Variants in STAB2 observed in about 807,000 individuals in gnomAD.
STAB2 encodes the protein stabilin 2.
STAB2 carries 288 observed loss-of-function variants against 338.1 expected under a neutral mutation model. That is an observed-to-expected ratio of 0.85 (90% CI 0.77 to 0.94). STAB2 has a LOEUF of 0.94. STAB2 is among the 40% of genes least tolerant of loss of function. The probability of loss-of-function intolerance (pLI) is 0.00; values close to 1 mark genes in which losing one functional copy is unlikely to be tolerated. For missense variants in STAB2, 3,141 were observed against 3,210.1 expected, an observed-to-expected ratio of 0.98 and a Z score of 0.52; for synonymous variants, 1,202 against 1,193.3, an observed-to-expected ratio of 1.01 and a Z score of -0.15.
intron 3 of STAB2, among the ~76,000 whole-genome samples, chr12:103,610,135 G>T (rs2138594048): frequency 6.6e-6 from 1 of 151,780 alleles, no homozygotes; most frequent in East Asian, 1.9e-4. Context: ...CAGGGATATT[G>T]GTCTAAAATT....
intron 65 of STAB2, among the ~76,000 whole-genome samples, chr12:103,760,874 G>A (rs1884484294): frequency 6.6e-6 from 1 of 152,226 alleles, no homozygotes; most frequent in Admixed American, 6.5e-5. Context: ...AGGGGAGAAG[G>A]CACAGGGCCT....
rs1879866319 is a variant in STAB2 at position 103,711,588 on chromosome 12, C to T, written c.4334+72C>T. ...TTCCCAATATTGTCTACCCTAGTCTCTATCCTCAGGGGATTTGTTTCCTGA... is the reference window on the plus strand; with the variant it reads ...TTCCCAATATTGTCTACCCTAGTCTTTATCCTCAGGGGATTTGTTTCCTGA... On this transcript the variant is annotated intron_variant, in intron 40 of 68. Transcript: ENST00000388887. 5.2e-6 allele frequency: 8 copies of T among 1,541,562 alleles called. No individual in the cohort carries two copies. The Admixed American group carries it at 1.1e-4, about 21-fold the overall frequency.
intron 65 of STAB2, among the ~76,000 whole-genome samples, chr12:103,760,642 G>A (rs890102345): frequency 1.3e-5 from 2 of 152,166 alleles, no homozygotes; most frequent in Non-Finnish European, 2.9e-5. Flanking sequence ...AGATGACCGT[G>A]GGGGTAGCGG....
intron 51 of STAB2, among the ~76,000 whole-genome samples, chr12:103,734,430 C>T (rs1269886170): frequency 6.6e-6 from 1 of 150,472 alleles, no homozygotes; most frequent in African/African-American, 2.5e-5. Context: ...TGGGAGCATG[C>T]AGTCTTATAG....
intron 3 of STAB2, among the ~76,000 whole-genome samples, chr12:103,616,259 T>A (rs769387855): frequency 1.2e-4 from 18 of 152,152 alleles, no homozygotes; most frequent in Admixed American, 2.6e-4. Flanking sequence ...CTCTGCCCCA[T>A]GTTCTGCCAC....
At chr12:103,743,562 C>CT (rs770713762) in intron 56 of STAB2, among the ~76,000 whole-genome samples, 5 of 152,142 alleles carry the variant, frequency 3.3e-5, no homozygotes, top group Non-Finnish European at 5.9e-5. Context: ...GTATGAAGAG[C>CT]AGGCCAATCA....
intron 6 of STAB2, among the ~76,000 whole-genome samples, chr12:103,634,474 GAGA>G (rs1957512693): frequency 6.6e-6 from 1 of 152,228 alleles, no homozygotes; most frequent in Non-Finnish European, 1.5e-5. Flanking sequence ...TTTAAAGTTT[GAGA>G]AGTTGTGCAG....
Position 103,708,380 on chromosome 12 carries a change from A to G in STAB2, c.4193-61A>G, listed in dbSNP as rs138891025. 3.4e-5 allele frequency: 53 copies of G among 1,538,340 alleles called. 1 individual carries two copies. In the Middle Eastern group the frequency reaches 8.5e-4, roughly 25 times the overall value. ...TGCAATAAAGCAAACCTAGTAAATG[A>G]CAAATGAGTTATTGAACATGGGTTA... On this transcript the variant is annotated intron_variant, in intron 38 of 68. Coordinates refer to ENST00000388887, the MANE Select transcript of STAB2 (RefSeq NM_017564.10).
At chr12:103,699,738 T>C (rs1452924930) in intron 34 of STAB2, among the ~76,000 whole-genome samples, 6 of 152,194 alleles carry the variant, frequency 3.9e-5, no homozygotes, top group Non-Finnish European at 8.8e-5. Context: ...GTTGTCTGTG[T>C]TTCACCATAA....
At chr12:103,751,239 G>T (rs556630064) in intron 60 of STAB2, among the ~76,000 whole-genome samples, 1 of 152,152 alleles carries the variant, frequency 6.6e-6, no homozygotes, top group African/African-American at 2.4e-5. Flanking sequence ...CTTGAATTGG[G>T]CTAGAGGAGC....
At chr12:103,607,510 A>G (rs1957049413) in intron 3 of STAB2, among the ~76,000 whole-genome samples, 1 of 150,838 alleles carries the variant, frequency 6.6e-6, no homozygotes, top group Non-Finnish European at 1.5e-5. Flanking sequence ...TACATTAGGT[A>G]TATCTCCTAA....
chr12:103,643,403 C>G (rs1873064295), intron 9 of STAB2, among the ~76,000 whole-genome samples: 2 of 152,144 alleles, frequency 1.3e-5, no homozygotes, highest in South Asian at 4.1e-4. Flanking sequence ...ACTTAGGATG[C>G]CATCTCCGTG....
At position 103,665,328 on chromosome 12, in the gene STAB2, A is replaced by G. The variant is rs113673911; in HGVS notation, c.2023-963A>G. Among the ~76,000 whole-genome samples, 982 of 152,318 alleles carry G rather than the reference A, an allele frequency of 6.4e-3. 6 individuals carry two copies. Among genetic ancestry groups the G allele is most frequent in the African/African-American group, 0.022 (922 of 41,548 alleles). On this transcript the variant is annotated intron_variant, in intron 18 of 68. Coordinates refer to ENST00000388887, the MANE Select transcript of STAB2 (RefSeq NM_017564.10). ...ATGTTTGGATTTTAGAGGTTTAATAACAACACTGTACTAGTTATGGTCTCT... is the reference window on the plus strand; with the variant it reads ...ATGTTTGGATTTTAGAGGTTTAATAGCAACACTGTACTAGTTATGGTCTCT...
chr12:103,679,139 G>T (rs938965213), intron 25 of STAB2, among the ~76,000 whole-genome samples: 2 of 152,072 alleles, frequency 1.3e-5, no homozygotes, highest in Non-Finnish European at 2.9e-5. Context: ...ACTTTGGGAG[G>T]CCAAGGCAGG....
At chr12:103,650,884 C>G (rs1253383022) in intron 11 of STAB2, among the ~76,000 whole-genome samples, 2 of 152,310 alleles carry the variant, frequency 1.3e-5, no homozygotes, top group South Asian at 4.1e-4. Flanking sequence ...CAGGTAACCA[C>G]TGAGTGTTCT....
At chr12:103,625,852 A>G (rs1957373415) in intron 5 of STAB2, among the ~76,000 whole-genome samples, 1 of 152,224 alleles carries the variant, frequency 6.6e-6, no homozygotes, top group Non-Finnish European at 1.5e-5. Context: ...AGCATGATTT[A>G]TAATCCTCTG....
At position 103,670,748 on chromosome 12, in the gene STAB2, A is replaced by G. The variant is rs771127328; in HGVS notation, c.2312A>G (p.Gln771Arg). 7 of 1,614,060 alleles carry G rather than the reference A, an allele frequency of 4.3e-6. No homozygotes were observed. The Admixed American group carries it at 8.3e-5, about 19-fold the overall frequency. Residue 771 changes from glutamine to arginine, a missense_variant, in exon 22 of 69, where the codon CAA (glutamine) becomes CGA (arginine). By Grantham distance (43) the Gln-to-Arg change is conservative (BLOSUM62 1). Coordinates refer to ENST00000388887, the MANE Select transcript of STAB2 (RefSeq NM_017564.10). The part of the protein sequence containing the change: ...NGTCICEEGF[Q>R]GSQCQFCSDP... ...ACATGCATTTGTGAGGAGGGCTTCC[A>G]AGGCTCCCAGTGTCAGTTCTGCTCT...
Position 103,594,398 on chromosome 12 carries a change from C to T in STAB2, c.219C>T (p.Tyr73=), listed in dbSNP as rs139853994. ...TGTCCTCTCTTTACCCTCCAAGGTA[C>T]ACCTTTGAGGTCAGAACATACTCTC... ...SGSVGVRDCR[Y]TFEVRTYSLS... Residue 73 remains tyrosine (Y), a synonymous_variant, in exon 3 of 69, where the codon TAC becomes TAT. Coordinates refer to ENST00000388887, the MANE Select transcript of STAB2 (RefSeq NM_017564.10). 19 of 1,609,240 alleles carry T rather than the reference C, an allele frequency of 1.2e-5. No homozygotes were observed. The African/African-American group carries it at 2.5e-4, about 21-fold the overall frequency.
Position 103,710,951 on chromosome 12 carries a change from A to T in STAB2, c.4289-520A>T, listed in dbSNP as rs1036753894. Among the ~76,000 whole-genome samples, 26 of 152,298 alleles carry T rather than the reference A, an allele frequency of 1.7e-4. 1 individual carries two copies. Among genetic ancestry groups the T allele is most frequent in the Admixed American group, 8.5e-4 (13 of 15,300 alleles). ...GCTGTGTCCAGGAAATTTACATATT[A>T]ATTCAACAAATATTGTGTACCTGCT... On this transcript the variant is annotated intron_variant, in intron 39 of 68. Transcript: ENST00000388887.
Sources: allele counts gnomAD v4.1 joint callset (sites outside exome capture counted in the v4.1 genomes callset), GRCh38; gene constraint gnomAD v4.1.1; transcripts MANE v1.5; gene names NCBI Gene and HGNC (gene_info 2026-07-23, HGNC 2026-07-21).